The following CTNNA3 variants were observed in gnomAD, a reference collection of about 807,000 sequenced individuals.
The protein encoded by CTNNA3 is catenin alpha-3.
CTNNA3 carries 76 observed loss-of-function variants against 95.7 expected under a neutral mutation model. The observed-to-expected ratio is 0.79, with a 90% CI of 0.66 to 0.96. CTNNA3 has a LOEUF of 0.96. Ranked by LOEUF, CTNNA3 falls within the 40% of genes least tolerant of loss-of-function variation. The pLI, the probability that CTNNA3 is intolerant of heterozygous loss-of-function variation, is 0.00. For synonymous variants in CTNNA3, 431 were observed against 374.4 expected, an observed-to-expected ratio of 1.15 and a Z score of -1.74; for missense variants, 1,191 against 1,089.8, an observed-to-expected ratio of 1.09 and a Z score of -1.31.
chr10:66,412,816 T>C (rs1174073184), intron 11 of CTNNA3, among the ~76,000 whole-genome samples: 1 of 150,138 alleles, frequency 6.7e-6, no homozygotes, highest in Non-Finnish European at 1.5e-5. Flanking sequence ...TCCTGGAATA[T>C]TATTTGGTAA....
intron 9 of CTNNA3, among the ~76,000 whole-genome samples, chr10:66,715,301 A>G (rs545281275): frequency 6.6e-6 from 1 of 152,072 alleles, no homozygotes; most frequent in Non-Finnish European, 1.5e-5. Flanking sequence ...TGCTTATCCC[A>G]CCTCACATCC....
chr10:67,416,607 CAAAAAAAAAAAA>C (rs368513767), intron 5 of CTNNA3, among the ~76,000 whole-genome samples: 3 of 38,332 alleles, frequency 7.8e-5, no homozygotes, highest in African/African-American at 1.5e-4. Flanking sequence ...GACTCTGTCT[CAAAAAAAAAAAA>C]AAAAAAAAAA....
intron 11 of CTNNA3, among the ~76,000 whole-genome samples, chr10:66,416,609 G>T (rs898654750): frequency 6.6e-6 from 1 of 151,578 alleles, no homozygotes; most frequent in African/African-American, 2.4e-5. Flanking sequence ...CAGAACAAGA[G>T]AAAATTTATC....
At chr10:66,623,054 A>G (rs1844806656) in intron 9 of CTNNA3, among the ~76,000 whole-genome samples, 1 of 152,102 alleles carries the variant, frequency 6.6e-6, no homozygotes. Context: ...CAATGCCTCA[A>G]CTTTCATAAT....
In CTNNA3 at chr10:67,759,128, C is replaced by T. The variant is rs145957485; in HGVS notation, c.-2+4306G>A. 3.7e-3 allele frequency among the ~76,000 whole-genome samples: 570 copies of T among 152,304 alleles called. 2 individuals are homozygous for T. The highest frequency in any genetic ancestry group is 6.0e-3 in the Non-Finnish European group (411 of 68,010). On this transcript the variant is annotated intron_variant, in intron 1 of 17. Transcript: ENST00000684154. ...ATTAATTGCTGAAGCTTTAAAAGTA[C>T]GGTCATTTGCAATGCAGCAATTCCT...
intron 1 of CTNNA3, among the ~76,000 whole-genome samples, chr10:67,760,123 ATAAAG>A (rs780481079): frequency 4.1e-4 from 63 of 152,354 alleles, no homozygotes; most frequent in African/African-American, 6.5e-4. Flanking sequence ...TGATTGACAG[ATAAAG>A]TAAAGTTTCA....
intron 5 of CTNNA3, among the ~76,000 whole-genome samples, chr10:67,278,050 C>T (rs368510268): frequency 1.3e-4 from 20 of 152,230 alleles, no homozygotes; most frequent in South Asian, 4.1e-4. Context: ...TTTATGGACT[C>T]GCCCTGAATT....
chr10:66,197,812 C>A (rs1449570510), intron 13 of CTNNA3, among the ~76,000 whole-genome samples: 1 of 152,094 alleles, frequency 6.6e-6, no homozygotes, highest in Non-Finnish European at 1.5e-5. Flanking sequence ...AAGACAAACA[C>A]CAGCTTCATG....
chr10:67,703,275 A>G (rs1280671496), intron 1 of CTNNA3, among the ~76,000 whole-genome samples: 1 of 152,082 alleles, frequency 6.6e-6, no homozygotes. Context: ...AACTCATTTT[A>G]TGAGGCCAGC....
chr10:66,007,954 G>C (rs1326826675), intron 15 of CTNNA3, among the ~76,000 whole-genome samples: 2 of 151,726 alleles, frequency 1.3e-5, no homozygotes, highest in Non-Finnish European at 2.9e-5. Flanking sequence ...TTAGGCCACA[G>C]CCTTTTTCTA....
chr10:66,835,036 T>C (rs1842843328), intron 7 of CTNNA3, among the ~76,000 whole-genome samples: 1 of 152,190 alleles, frequency 6.6e-6, no homozygotes, highest in Non-Finnish European at 1.5e-5. Flanking sequence ...GAGTTTCATC[T>C]GACACAATAG....
intron 5 of CTNNA3, among the ~76,000 whole-genome samples, chr10:67,262,209 T>C (rs1358587019): frequency 6.6e-6 from 1 of 152,286 alleles, no homozygotes; most frequent in Non-Finnish European, 1.5e-5. Context: ...ATGAATACTA[T>C]ATTGGCATTC....
At chr10:67,339,826 C>T (rs1314686291) in intron 5 of CTNNA3, among the ~76,000 whole-genome samples, 1 of 152,064 alleles carries the variant, frequency 6.6e-6, no homozygotes, top group Non-Finnish European at 1.5e-5. Context: ...TGAAGATGTG[C>T]TTTGTTTTGA....
intron 7 of CTNNA3, among the ~76,000 whole-genome samples, chr10:66,843,024 C>T (rs1843119538): frequency 6.6e-6 from 1 of 152,126 alleles, no homozygotes; most frequent in South Asian, 2.1e-4. Context: ...CCAGACTAAA[C>T]AGACCAAAAG....
chr10:66,697,137 A>C (rs1847794935), intron 9 of CTNNA3, among the ~76,000 whole-genome samples: 1 of 151,776 alleles, frequency 6.6e-6, no homozygotes, highest in South Asian at 2.1e-4. Context: ...AAAGGAAACA[A>C]GAAAATCTTC....
At chr10:67,249,413 C>T (rs1194218575) in intron 5 of CTNNA3, among the ~76,000 whole-genome samples, 5 of 152,158 alleles carry the variant, frequency 3.3e-5, no homozygotes, top group African/African-American at 1.2e-4. Context: ...ACATACATCA[C>T]ATCCTATCAT....
intron 7 of CTNNA3, among the ~76,000 whole-genome samples, chr10:66,966,666 G>T (rs1232965789): frequency 1.3e-5 from 2 of 151,994 alleles, no homozygotes; most frequent in Non-Finnish European, 2.9e-5. Context: ...ACCAAAATAA[G>T]ATGTTCTTCT....
At chr10:66,422,797 T>C (rs2093206641) in intron 11 of CTNNA3, among the ~76,000 whole-genome samples, 1 of 152,082 alleles carries the variant, frequency 6.6e-6, no homozygotes, top group African/African-American at 2.4e-5. Flanking sequence ...ACCTGGTTAA[T>C]TTTTGTATTT....
chr10:67,751,319 C>G, intron 1 of CTNNA3: 1 of 808,352 alleles, frequency 1.2e-6, no homozygotes, highest in Non-Finnish European at 2.1e-6. Context: ...TTTAGCCAAG[C>G]TTATCTGAGA....
Sources: allele counts gnomAD v4.1 joint callset (sites outside exome capture counted in the v4.1 genomes callset), GRCh38; gene constraint gnomAD v4.1.1; transcripts MANE v1.5; gene names NCBI Gene and HGNC (gene_info 2026-07-23, HGNC 2026-07-21).